The following CEP112 variants were observed in gnomAD, a reference collection of about 807,000 sequenced individuals.
CEP112 encodes the protein centrosomal protein of 112 kDa.
In CEP112, 127 loss-of-function variants were observed where a neutral mutation model predicts 153.0. That is an observed-to-expected ratio of 0.83 (90% CI 0.72 to 0.96). CEP112 has a LOEUF of 0.96. CEP112 is among the 40% of genes least tolerant of loss of function. CEP112 has a pLI of 0.00. For synonymous variants in CEP112, 358 were observed against 374.4 expected, an observed-to-expected ratio of 0.96 and a Z score of 0.51; for missense variants, 1,089 against 1,101.2, an observed-to-expected ratio of 0.99 and a Z score of 0.16.
intron 8 of CEP112, among the ~76,000 whole-genome samples, chr17:66,092,726 A>T (rs1051199315): frequency 6.6e-6 from 1 of 152,194 alleles, no homozygotes; most frequent in Non-Finnish European, 1.5e-5. Context: ...ACATATGCAA[A>T]TCTATACATG....
intron 18 of CEP112, chr17:65,941,557 A>G (rs965459901): frequency 6.6e-6 from 1 of 152,244 alleles, no homozygotes; most frequent in African/African-American, 2.4e-5. Flanking sequence ...CTCAGTTGCC[A>G]TAGATACACA....
chr17:65,740,314 A>G (rs1331293041), intron 23 of CEP112, among the ~76,000 whole-genome samples: 1 of 152,216 alleles, frequency 6.6e-6, no homozygotes, highest in Non-Finnish European at 1.5e-5. Context: ...ATTGACTGAA[A>G]GGATGAAAGC....
At chr17:66,056,401 G>A (rs573159699) in intron 11 of CEP112, among the ~76,000 whole-genome samples, 2 of 152,158 alleles carry the variant, frequency 1.3e-5, no homozygotes, top group Non-Finnish European at 2.9e-5. Flanking sequence ...CTACTCCTAG[G>A]ACTACACCTA....
At chr17:66,053,280 T>C (rs1327054267) in intron 12 of CEP112, among the ~76,000 whole-genome samples, 1 of 150,708 alleles carries the variant, frequency 6.6e-6, no homozygotes, top group East Asian at 2.0e-4. Context: ...GGAGGGTGGA[T>C]CACAAGGTCA....
In CEP112 at chr17:65,723,335, A is replaced by C. The variant is rs994112335; in HGVS notation, c.2607+19733T>G. Reference sequence around the variant, plus strand: ...AAGCCAGCTTGGAAAATAGAGAGGAAAGTAAATATATCTCTCCAAAGAACA... The same window carrying C: ...AAGCCAGCTTGGAAAATAGAGAGGACAGTAAATATATCTCTCCAAAGAACA... On this transcript the variant is annotated intron_variant, in intron 23 of 26. Coordinates refer to ENST00000535342, the MANE Select transcript of CEP112 (RefSeq NM_001199165.4). Among the ~76,000 whole-genome samples, 3 of 152,248 alleles carry C rather than the reference A, an allele frequency of 2.0e-5. No homozygotes were observed. The East Asian group carries it at 5.8e-4, about 29-fold the overall frequency.
intron 23 of CEP112, among the ~76,000 whole-genome samples, chr17:65,719,352 A>G (rs1307062565): frequency 2.0e-5 from 3 of 152,228 alleles, no homozygotes; most frequent in Non-Finnish European, 4.4e-5. Context: ...AGGCAGGCAG[A>G]TCACTTGAGG....
chr17:65,891,691 T>C lies in CEP112; in HGVS notation c.2163+10461A>G, dbSNP rs550263246. Among the ~76,000 whole-genome samples the C allele has an allele frequency of 1.2e-4, 18 of 152,320 alleles. No individual in the cohort carries two copies. The South Asian group carries it at 3.5e-3, about 30-fold the overall frequency. ...CTCTGTCTTCCCATCACATTTAAAA[T>C]GCAATTCAAACTCTTCACCAGGGCT... On this transcript the variant is annotated intron_variant, in intron 20 of 26. Coordinates refer to ENST00000535342, the MANE Select transcript of CEP112 (RefSeq NM_001199165.4).
At chr17:65,772,511 TTAAG>T (rs1308719407) in intron 21 of CEP112, among the ~76,000 whole-genome samples, 2 of 151,926 alleles carry the variant, frequency 1.3e-5, no homozygotes, top group Non-Finnish European at 2.9e-5. Flanking sequence ...GATAAATCTC[TTAAG>T]TGTTAGAAAT....
chr17:66,114,320 T>C (rs1467544218), intron 6 of CEP112, among the ~76,000 whole-genome samples: 1 of 152,222 alleles, frequency 6.6e-6, no homozygotes, highest in Non-Finnish European at 1.5e-5. Flanking sequence ...CAGGGTTTTC[T>C]GTCCACTTGT....
At chr17:66,175,255 G>A (rs1212519231) in intron 3 of CEP112, 39 bp from the exon 4 acceptor site, 3 of 1,434,790 alleles carry the variant, frequency 2.1e-6, no homozygotes, top group East Asian at 2.6e-5. Flanking sequence ...CTTTCAAAAT[G>A]TACTATAATA....
intron 20 of CEP112, among the ~76,000 whole-genome samples, chr17:65,900,529 TC>T (rs1159716311): frequency 6.6e-6 from 1 of 152,098 alleles, no homozygotes; most frequent in Non-Finnish European, 1.5e-5. Flanking sequence ...TCACAAAGGT[TC>T]CCTCTAAATT....
intron 23 of CEP112, among the ~76,000 whole-genome samples, chr17:65,731,587 T>C (rs2050510801): frequency 6.6e-6 from 1 of 152,208 alleles, no homozygotes; most frequent in Non-Finnish European, 1.5e-5. Flanking sequence ...CCAATTGACT[T>C]GCTTTCACGG....
chr17:65,751,981 TC>T (rs1274524037), intron 21 of CEP112, among the ~76,000 whole-genome samples: 80 of 145,618 alleles, frequency 5.5e-4, no homozygotes, highest in South Asian at 2.9e-3. Flanking sequence ...TATCTATCTA[TC>T]TATCTATCTA....
chr17:65,811,887 T>G (rs1028808464), intron 21 of CEP112, among the ~76,000 whole-genome samples: 1 of 152,204 alleles, frequency 6.6e-6, no homozygotes, highest in African/African-American at 2.4e-5. Context: ...CAACTCTAAA[T>G]TGAAGTGGTA....
intron 20 of CEP112, among the ~76,000 whole-genome samples, chr17:65,874,976 G>A (rs1228760097): frequency 4.6e-5 from 7 of 151,894 alleles, no homozygotes; most frequent in African/African-American, 1.7e-4. Context: ...ACTTATCCTT[G>A]TCTTCTTAAC....
intron 4 of CEP112, among the ~76,000 whole-genome samples, chr17:66,158,408 C>T (rs751557018): frequency 3.9e-5 from 6 of 152,038 alleles, no homozygotes; most frequent in Non-Finnish European, 8.8e-5. Context: ...GTCAGGAGAT[C>T]GAGATCATCC....
chr17:65,986,791 A>C (rs1475802579), intron 17 of CEP112, among the ~76,000 whole-genome samples: 1 of 152,198 alleles, frequency 6.6e-6, no homozygotes, highest in Non-Finnish European at 1.5e-5. Context: ...CTTCACTGGC[A>C]GCTGACCAAT....
At chr17:65,760,915 T>C (rs2052574238) in intron 21 of CEP112, among the ~76,000 whole-genome samples, 2 of 152,240 alleles carry the variant, frequency 1.3e-5, no homozygotes, top group East Asian at 1.9e-4. Flanking sequence ...CATTAATTAT[T>C]GATTCGATTG....
At chr17:65,969,585 A>C (rs113071422) in intron 17 of CEP112, among the ~76,000 whole-genome samples, 21 of 152,340 alleles carry the variant, frequency 1.4e-4, no homozygotes, top group African/African-American at 4.8e-4. Flanking sequence ...AAGTATACAC[A>C]TATATTGCAT....
Sources: gnomAD v4.1 joint callset for allele counts (sites outside exome capture counted in the v4.1 genomes callset) on GRCh38, gnomAD v4.1.1 for gene constraint, MANE v1.5 for transcripts, NCBI Gene and HGNC (gene_info 2026-07-23, HGNC 2026-07-21) for gene names.